The following TTLL7 variants were observed in gnomAD, a reference collection of about 807,000 sequenced individuals.
TTLL7 encodes the protein tubulin tyrosine ligase like 7, also known as tubulin polyglutamylase TTLL7.
In TTLL7, 53 loss-of-function variants were observed where a neutral mutation model predicts 120.2. The observed-to-expected ratio is 0.44, with a 90% CI of 0.35 to 0.55. The LOEUF is 0.55. Ranked by LOEUF, TTLL7 falls within the 20% of genes least tolerant of loss-of-function variation. The pLI is 0.00. For synonymous variants in TTLL7, 353 were observed against 351.7 expected, an observed-to-expected ratio of 1.00 and a Z score of -0.04; for missense variants, 803 against 1,054.7, an observed-to-expected ratio of 0.76 and a Z score of 3.31.
intron 17 of TTLL7, among the ~76,000 whole-genome samples, chr1:83,904,600 A>G (rs1303448125): frequency 6.6e-6 from 1 of 152,086 alleles, no homozygotes; most frequent in Non-Finnish European, 1.5e-5. Flanking sequence ...ATACCACTGC[A>G]CTCCAGCCTG....
At chr1:83,933,293 T>C (rs1185279298) in intron 9 of TTLL7, among the ~76,000 whole-genome samples, 2 of 152,114 alleles carry the variant, frequency 1.3e-5, no homozygotes, top group Non-Finnish European at 2.9e-5. Context: ...CATGATGTGG[T>C]AGAAGCCAGG....
chr1:83,870,685 C>T (rs965972276), intron 20 of TTLL7, among the ~76,000 whole-genome samples: 15 of 151,792 alleles, frequency 9.9e-5, no homozygotes, highest in African/African-American at 2.7e-4. Flanking sequence ...CTGAGGCAGG[C>T]GGGTCATCTG....
At chr1:83,890,889 T>C (rs1315840569) in intron 18 of TTLL7, among the ~76,000 whole-genome samples, 2 of 152,106 alleles carry the variant, frequency 1.3e-5, no homozygotes, top group African/African-American at 2.4e-5. Flanking sequence ...CTGTTCAATA[T>C]GTAGAGATTT....
chr1:83,962,858 C>A (rs1650128085), intron 1 of TTLL7, among the ~76,000 whole-genome samples: 1 of 152,230 alleles, frequency 6.6e-6, no homozygotes, highest in African/African-American at 2.4e-5. Context: ...TTTGGACCAC[C>A]TAGCTCCAGA....
rs549881300 is a variant in TTLL7, at chr1:83,978,445, A to G, written c.-177+20486T>C. On this transcript the variant is annotated intron_variant, in intron 1 of 20. Transcript: ENST00000260505. Reference sequence around the variant, plus strand: ...AAATTATAGTCAGTTAAAAAAAAGAATTATTCATTTTAATCATCCTCTAGA... The same window carrying G: ...AAATTATAGTCAGTTAAAAAAAAGAGTTATTCATTTTAATCATCCTCTAGA... Among the ~76,000 whole-genome samples, 91 of 152,300 alleles carry G rather than the reference A, an allele frequency of 6.0e-4. No individual in the cohort carries two copies. In the Middle Eastern group the frequency reaches 0.01, roughly 17 times the overall value.
At chr1:83,909,269 C>CTTTTT (rs71582911) in intron 15 of TTLL7, among the ~76,000 whole-genome samples, 11 of 99,296 alleles carry the variant, frequency 1.1e-4, no homozygotes, top group South Asian at 3.4e-4. Flanking sequence ...TTTTTTTTTC[C>CTTTTT]TTTTTTTTTT....
chr1:83,912,808 G>A (rs893703262), intron 14 of TTLL7: 1 of 152,114 alleles, frequency 6.6e-6, no homozygotes, highest in Non-Finnish European at 1.5e-5. Flanking sequence ...TATTTACTAA[G>A]TACTGACAAT....
intron 1 of TTLL7, among the ~76,000 whole-genome samples, chr1:83,990,225 G>C (rs1453189992): frequency 6.7e-6 from 1 of 150,200 alleles, no homozygotes; most frequent in Non-Finnish European, 1.5e-5. Flanking sequence ...CCGGACTGCG[G>C]ACTGCAGTGG....
chr1:83,975,287 C>T (rs1296943652), intron 1 of TTLL7, among the ~76,000 whole-genome samples: 1 of 152,090 alleles, frequency 6.6e-6, no homozygotes, highest in Non-Finnish European at 1.5e-5. Flanking sequence ...GTCTGGAGTG[C>T]AGCCTTGACA....
intron 18 of TTLL7, among the ~76,000 whole-genome samples, chr1:83,892,625 A>C: frequency 2.0e-5 from 3 of 147,776 alleles, no homozygotes; most frequent in Non-Finnish European, 3.0e-5. Context: ...CATATATATG[A>C]ACATATGAAT....
chr1:83,955,961 A>G (rs1649472074), intron 1 of TTLL7, among the ~76,000 whole-genome samples: 1 of 152,216 alleles, frequency 6.6e-6, no homozygotes, highest in Non-Finnish European at 1.5e-5. Flanking sequence ...TGTTCATGCC[A>G]CTGCACTACA....
At chr1:83,970,199 G>C (rs1650850212) in intron 1 of TTLL7, among the ~76,000 whole-genome samples, 1 of 151,950 alleles carries the variant, frequency 6.6e-6, no homozygotes, top group African/African-American at 2.4e-5. Context: ...ATTACATTTT[G>C]TGTTTATTTT....
chr1:83,865,592 T>C lies in TTLL7; in HGVS notation c.*4370A>G, dbSNP rs779725940. On this transcript the variant is annotated 3_prime_UTR_variant, in exon 21 of 21. Coordinates refer to ENST00000260505, the MANE Select transcript of TTLL7 (RefSeq NM_024686.6). The stretch of plus-strand genomic sequence containing the variant: ...TCAAAGTGTGCAGTAAATTTTAATA[T>C]ACCAATTTTGGTTGCAAGACTTATT... 1 of 151,990 alleles carries C rather than the reference T, an allele frequency of 6.6e-6. No homozygotes were observed. Among genetic ancestry groups the C allele is most frequent in the African/African-American group, 2.4e-5 (1 of 41,434 alleles). 9.4% of individuals were successfully genotyped at this position (151,990 alleles called of 1,614,324 possible).
At chr1:83,882,403 A>G (rs1424131213) in intron 20 of TTLL7, among the ~76,000 whole-genome samples, 2 of 64,772 alleles carry the variant, frequency 3.1e-5, no homozygotes, top group Non-Finnish European at 5.7e-5. Context: ...GCTAAAAGGT[A>G]CTTTCTTTAC....
chr1:83,937,038 A>G (rs1647459110), intron 8 of TTLL7, among the ~76,000 whole-genome samples: 1 of 152,222 alleles, frequency 6.6e-6, no homozygotes, highest in African/African-American at 2.4e-5. Context: ...CAGAATAAAC[A>G]AAGGATAGAG....
intron 1 of TTLL7, among the ~76,000 whole-genome samples, chr1:83,995,008 T>C (rs1215782094): frequency 6.6e-6 from 1 of 152,266 alleles, no homozygotes; most frequent in South Asian, 2.1e-4. Context: ...ATTCTCCTTC[T>C]CTGACTATCA....
intron 20 of TTLL7, chr1:83,880,014 T>G (rs1654303934): frequency 6.6e-6 from 1 of 152,002 alleles, no homozygotes; most frequent in Non-Finnish European, 1.5e-5. Context: ...TTAAAGAGTC[T>G]CAGTGAATTA....
At chr1:83,876,150 A>C (rs1397463851) in intron 20 of TTLL7, among the ~76,000 whole-genome samples, 3 of 151,918 alleles carry the variant, frequency 2.0e-5, no homozygotes, top group African/African-American at 2.4e-5. Flanking sequence ...CAATTGTCCT[A>C]GAACCATTGT....
chr1:83,903,910 C>A (rs1446333332), intron 18 of TTLL7, among the ~76,000 whole-genome samples, 169 bp downstream of exon 18: 1 of 151,994 alleles, frequency 6.6e-6, no homozygotes, highest in Non-Finnish European at 1.5e-5. Flanking sequence ...ACTTTTGTAT[C>A]CTCAGAACCT....
Sources: allele counts gnomAD v4.1 joint callset (sites outside exome capture counted in the v4.1 genomes callset), GRCh38; gene constraint gnomAD v4.1.1; transcripts MANE v1.5; gene names NCBI Gene and HGNC (gene_info 2026-07-23, HGNC 2026-07-21).